PTPRT: variants seen among roughly 807,000 people sequenced by gnomAD.
PTPRT encodes the protein receptor-type tyrosine-protein phosphatase T.
In PTPRT, 56 loss-of-function variants were observed where a neutral mutation model predicts 176.8. That is an observed-to-expected ratio of 0.32 (90% CI 0.26 to 0.40). The LOEUF (loss-of-function observed/expected upper bound fraction) is 0.40. Among genes scored for constraint, PTPRT ranks in the 10% least tolerant of loss-of-function variants. The pLI, the probability that PTPRT is intolerant of heterozygous loss-of-function variation, is 1.00. For missense variants in PTPRT, 1,540 were observed against 1,908.2 expected (o/e 0.81, Z 3.60); for synonymous variants, 783 against 739.0 (o/e 1.06, Z -0.96).
intron 17 of PTPRT, among the ~76,000 whole-genome samples, chr20:42,143,830 G>C (rs1988742418): frequency 6.6e-6 from 1 of 152,196 alleles, no homozygotes; most frequent in African/African-American, 2.4e-5. Flanking sequence ...TCAATGAGCA[G>C]GTTACCACTG....
chr20:42,835,713 G>A (rs2078170037), intron 2 of PTPRT, among the ~76,000 whole-genome samples: 1 of 152,054 alleles, frequency 6.6e-6, no homozygotes, highest in Non-Finnish European at 1.5e-5. Context: ...GGTTATTACT[G>A]GGTTTATAGA....
intron 1 of PTPRT, among the ~76,000 whole-genome samples, chr20:43,050,189 G>A (rs1398500588): frequency 6.6e-6 from 1 of 152,234 alleles, no homozygotes; most frequent in Non-Finnish European, 1.5e-5. Flanking sequence ...TCACTATGGT[G>A]CAGGCACTGC....
rs570541172 is a variant in PTPRT, at chr20:42,216,212, C to T, written c.2343-16824G>A. Among the ~76,000 whole-genome samples, 64 of 152,196 alleles carry T rather than the reference C, an allele frequency of 4.2e-4. 1 individual carries two copies. In the Middle Eastern group the frequency reaches 0.017, roughly 40 times the overall value. ...ACAACTGCCTCCTCTCACCCTGACC[C>T]CATCTTAGACCTTCAGTTGCCAACT... On this transcript the variant is annotated intron_variant, in intron 15 of 30. Transcript: ENST00000373187.
intron 12 of PTPRT, among the ~76,000 whole-genome samples, chr20:42,285,605 G>A (rs1042062071): frequency 2.0e-5 from 3 of 151,636 alleles, no homozygotes; most frequent in Non-Finnish European, 3.0e-5. Flanking sequence ...AATCATGAGC[G>A]ATATATCTGT....
chr20:42,889,373 C>T (rs900901220), intron 1 of PTPRT, among the ~76,000 whole-genome samples: 2 of 152,238 alleles, frequency 1.3e-5, no homozygotes, highest in African/African-American at 2.4e-5. Context: ...CTCTCTTTGC[C>T]TCTGCAGAAG....
chr20:42,847,381 C>G (rs56026270), intron 2 of PTPRT, among the ~76,000 whole-genome samples: 30,088 of 152,118 alleles, frequency 0.2, 3,061 homozygotes, highest in Admixed American at 0.24. Context: ...TCCCCGCCCC[C>G]CTCTGATTTC....
intron 26 of PTPRT, among the ~76,000 whole-genome samples, chr20:42,099,536 A>C (rs1332364687): frequency 1.3e-4 from 4 of 31,136 alleles, no homozygotes; most frequent in Non-Finnish European, 1.7e-4. Flanking sequence ...CCCAGAGAAA[A>C]TGGCCTGGGC....
At chr20:42,483,865 C>A (rs2071425798) in intron 7 of PTPRT, among the ~76,000 whole-genome samples, 1 of 152,234 alleles carries the variant, frequency 6.6e-6, no homozygotes, top group Non-Finnish European at 1.5e-5. Context: ...TACTGTCTGG[C>A]TGCATGCTAG....
chr20:43,145,176 T>C (rs1349353655), intron 1 of PTPRT, among the ~76,000 whole-genome samples: 1 of 152,232 alleles, frequency 6.6e-6, no homozygotes, highest in Admixed American at 6.5e-5. Context: ...AGGAAACATG[T>C]CTATGTTGTT....
intron 1 of PTPRT, 137 bp from the exon 2 acceptor site, chr20:42,886,069 A>G (rs2079098716): frequency 5.0e-6 from 2 of 400,104 alleles, no homozygotes; most frequent in Non-Finnish European, 7.1e-6. Context: ...ATATATATAT[A>G]TAAAAGATGA....
At chr20:42,895,984 CT>C (rs1247273036) in intron 1 of PTPRT, among the ~76,000 whole-genome samples, 1 of 152,164 alleles carries the variant, frequency 6.6e-6, no homozygotes, top group Non-Finnish European at 1.5e-5. Flanking sequence ...CAGAATGTTT[CT>C]TCCCGTCTCT....
At chr20:42,711,755 G>C (rs1261596623) in intron 6 of PTPRT, among the ~76,000 whole-genome samples, 1 of 150,324 alleles carries the variant, frequency 6.7e-6, no homozygotes, top group Non-Finnish European at 1.5e-5. Flanking sequence ...TTTTTTTCTA[G>C]CCTCGGACTT....
In PTPRT at chr20:42,311,114, A is replaced by G. The variant is rs146863246; in HGVS notation, c.2139+4609T>C. Reference sequence around the variant, plus strand: ...GAAACCTAAGGATTCATTATTCGATACATTATTTCACTTATTTATTTTTGT... The same window carrying G: ...GAAACCTAAGGATTCATTATTCGATGCATTATTTCACTTATTTATTTTTGT... On this transcript the variant is annotated intron_variant, in intron 12 of 30. Coordinates refer to ENST00000373187, the MANE Select transcript of PTPRT (RefSeq NM_007050.6). Among the ~76,000 whole-genome samples the G allele has an allele frequency of 2.1e-4, 32 of 152,314 alleles. No homozygotes were observed. The East Asian group carries it at 5.4e-3, about 26-fold the overall frequency.
intron 8 of PTPRT, among the ~76,000 whole-genome samples, chr20:42,470,312 G>T (rs962547385): frequency 6.6e-6 from 1 of 152,154 alleles, no homozygotes; most frequent in Non-Finnish European, 1.5e-5. Flanking sequence ...CCTAACTTAG[G>T]ACATCTGTGA....
Position 42,199,383 on chromosome 20 carries a change from A to G in PTPRT, c.2348T>C (p.Leu783Pro), listed in dbSNP as rs1991360458. The change falls in exon 16 of 31, where the codon CTG becomes CCG. Residue 783 changes from leucine (L) to proline (P), a missense_variant. Leu to Pro is a moderately conservative substitution (Grantham distance 98). Coordinates refer to ENST00000373187, the MANE Select transcript of PTPRT (RefSeq NM_007050.6). ...CTGGGTCTCCTTCTGCTTCTTGGCC[A>G]GCTTCCTTTGGGACATGTGCAAGGG... is the stretch of plus-strand genomic sequence containing the variant. Reference protein sequence around the residue: ...NAYSYSYYLKLAKKQKETQSG... With the variant: ...NAYSYSYYLKPAKKQKETQSG... The G allele has an allele frequency of 1.2e-6, 2 of 1,613,632 alleles. No homozygotes were observed.
At chr20:42,503,363 A>T (rs2145424199) in intron 7 of PTPRT, among the ~76,000 whole-genome samples, 1 of 152,116 alleles carries the variant, frequency 6.6e-6, no homozygotes, top group South Asian at 2.1e-4. Flanking sequence ...CAAGAGTTTT[A>T]TTTGTATTAT....
intron 2 of PTPRT, among the ~76,000 whole-genome samples, chr20:42,841,610 T>TACACACAC (rs3973897): frequency 2.0e-4 from 28 of 141,018 alleles, no homozygotes; most frequent in African/African-American, 5.0e-4. Flanking sequence ...TAGTGTTAAA[T>TACACACAC]ACACACACAC....
chr20:42,844,016 C>T (rs1338089454), intron 2 of PTPRT, among the ~76,000 whole-genome samples: 3 of 152,142 alleles, frequency 2.0e-5, no homozygotes, highest in Non-Finnish European at 2.9e-5. Flanking sequence ...AGAAAAAACA[C>T]AAAACTTCAA....
At chr20:42,379,632 T>C (rs1045771725) in intron 9 of PTPRT, among the ~76,000 whole-genome samples, 1 of 152,236 alleles carries the variant, frequency 6.6e-6, no homozygotes, top group Non-Finnish European at 1.5e-5. Context: ...GTACCTCCTT[T>C]CTCGGCCTTG....
Sources: gnomAD v4.1 joint callset for allele counts (sites outside exome capture counted in the v4.1 genomes callset) on GRCh38, gnomAD v4.1.1 for gene constraint, MANE v1.5 for transcripts, NCBI Gene and HGNC (gene_info 2026-07-23, HGNC 2026-07-21) for gene names.